RBM4B: variants seen among roughly 807,000 people sequenced by gnomAD.
RBM4B encodes RNA-binding protein 4B.
Under a neutral mutation model 28.5 loss-of-function variants are expected in RBM4B, and 13 were observed. The observed-to-expected ratio is 0.46, with a 90% CI of 0.30 to 0.72. The LOEUF (loss-of-function observed/expected upper bound fraction) is 0.72, where lower values mean the gene tolerates loss of function less well. Among genes scored for constraint, RBM4B ranks in the 30% least tolerant of loss-of-function variants. The probability of loss-of-function intolerance (pLI) is 0.09; values close to 1 mark genes in which losing one functional copy is unlikely to be tolerated. For synonymous variants in RBM4B, 167 were observed against 179.1 expected (o/e 0.93, Z 0.54); for missense variants, 387 against 477.6 (o/e 0.81, Z 1.77).
chr11:66,668,283 GATATACA>G, intron 3 of RBM4B: 4 of 223,350 alleles, frequency 1.8e-5, no homozygotes, highest in South Asian at 2.1e-4. Flanking sequence ...TCGTGTAGAT[GATATACA>G]GAGGGCACAT....
intron 3 of RBM4B, chr11:66,667,601 T>G (rs1248475459): frequency 6.6e-6 from 1 of 152,146 alleles, no homozygotes; most frequent in Admixed American, 6.5e-5. Context: ...GTAAATGTCT[T>G]GGAAGTAAAC....
intron 2 of RBM4B, chr11:66,671,029 T>C: frequency 1.4e-6 from 1 of 702,558 alleles, no homozygotes; most frequent in Non-Finnish European, 2.6e-6. Flanking sequence ...AACAGTGCCA[T>C]GCACTGACCC....
chr11:66,673,346 TA>T (rs1939530499), intron 2 of RBM4B, among the ~76,000 whole-genome samples: 2 of 151,934 alleles, frequency 1.3e-5, no homozygotes, highest in African/African-American at 4.8e-5. Context: ...CCTGAAAGAG[TA>T]AAGTAAACTC....
chr11:66,669,195 T>G lies in RBM4B; in HGVS notation c.509A>C (p.His170Pro). ...SGCYRCGKEG[H>P]WSKECPVDRT... ...ATCTACTGGGCACTCTTTGGACCAG[T>G]GCCCTTCTTTCCCACACCGATAGCA... Residue 170 changes from histidine to proline, a missense_variant, in exon 3 of 4, where the codon CAC becomes CCC. By Grantham distance (77) the His-to-Pro change is moderately conservative. Transcript: ENST00000310046. 1 of 1,614,180 alleles carries G rather than the reference T, an allele frequency of 6.2e-7. No homozygotes were observed. The highest frequency in any genetic ancestry group is 8.5e-7 in the Non-Finnish European group (1 of 1,180,030).
At chr11:66,666,096 AACACACCT>A (rs1474339739) in intron 3 of RBM4B, 12 of 872,016 alleles carry the variant, frequency 1.4e-5, no homozygotes, top group Non-Finnish European at 1.9e-5. Context: ...ACCCAATTCC[AACACACCT>A]ACATGTCACA....
At chr11:66,665,650 T>C in intron 3 of RBM4B, 72 bp from the exon 4 acceptor site, 1 of 1,534,878 alleles carries the variant, frequency 6.5e-7, no homozygotes, top group Non-Finnish European at 8.7e-7. Flanking sequence ...ACAAGCGCCC[T>C]GGGTCCTGTC....
At chr11:66,668,303 C>T (rs1208892734) in intron 3 of RBM4B, 2 of 266,464 alleles carry the variant, frequency 7.5e-6, no homozygotes, top group Non-Finnish European at 1.4e-5. Context: ...GGGCACATAA[C>T]AAATGTTAGA....
chr11:66,677,168 T>C lies in RBM4B; in HGVS notation c.-12-77A>G. On this transcript the variant is annotated intron_variant, in intron 1 of 3. Transcript: ENST00000310046. The stretch of plus-strand genomic sequence containing the variant: ...GGTGCACTGCAGCATTTTCGTCTAA[T>C]CCTCCAAAGTTCTTGCACCTTCAAG... 18 of 1,520,668 alleles carry C rather than the reference T, an allele frequency of 1.2e-5. No individual in the cohort carries two copies. In the South Asian group the frequency reaches 2.0e-4, roughly 17 times the overall value. The allele number at this position is 1,520,668 out of a possible 1,614,324, so 94.2% of individuals were successfully genotyped here.
intron 2 of RBM4B, among the ~76,000 whole-genome samples, chr11:66,673,213 A>G (rs188076646): frequency 6.6e-6 from 1 of 152,016 alleles, no homozygotes; most frequent in East Asian, 1.9e-4. Context: ...GAACTCTCAC[A>G]CATTCTTCCC....
rs1939222020 is a variant in RBM4B, at chr11:66,666,082, A to C, written c.*10-504T>G. 5 of 937,094 alleles carry C rather than the reference A, an allele frequency of 5.3e-6. No individual in the cohort carries two copies. The Admixed American group carries it at 8.4e-5, about 16-fold the overall frequency. The allele number at this position is 937,094 out of a possible 1,614,324, so 58.0% of individuals were successfully genotyped here. A position where few individuals can be genotyped will look rare whatever the true frequency, so the allele number is the denominator to read the frequency against. On this transcript the variant is annotated intron_variant, in intron 3 of 3. Transcript: ENST00000310046. Reference sequence around the variant, plus strand: ...GTAGGATATCAAGGAGCAGCCAGTCATTCACCCAATTCCAACACACCTACA... The same window carrying C: ...GTAGGATATCAAGGAGCAGCCAGTCCTTCACCCAATTCCAACACACCTACA...
intron 2 of RBM4B, chr11:66,675,517 C>T (rs921200198): frequency 4.6e-5 from 7 of 152,152 alleles, no homozygotes; most frequent in Non-Finnish European, 8.8e-5. Flanking sequence ...ACTTTCTTAC[C>T]CTTCTCTGGT....
In RBM4B at chr11:66,677,084, A is replaced by G; in HGVS notation, c.-5T>C. ...TCCGATGAACAGCTTCACCATCCTG[A>G]CAAGAGCCTGGGAGAGAAACACAAG... On this transcript the variant is annotated 5_prime_UTR_variant, in exon 2 of 4. Transcript: ENST00000310046. 1.2e-6 allele frequency: 2 copies of G among 1,612,120 alleles called. No homozygotes were observed. The highest frequency in any genetic ancestry group is 1.7e-6 in the Non-Finnish European group (2 of 1,178,322).
rs765996752 is a variant in RBM4B, at chr11:66,676,623, G to A, written c.412+45C>T. 4 of 1,600,704 alleles carry A rather than the reference G, an allele frequency of 2.5e-6. No individual in the cohort carries two copies. The South Asian group carries it at 4.5e-5, about 18-fold the overall frequency. On this transcript the variant is annotated intron_variant, in intron 2 of 3. Transcript: ENST00000310046. Reference sequence around the variant, plus strand: ...AGTCTTGTGTTCTTGCCTGTTTTGAGCTAGACCCCACTCGGCGCTACTACC... The same window carrying A: ...AGTCTTGTGTTCTTGCCTGTTTTGAACTAGACCCCACTCGGCGCTACTACC...
intron 2 of RBM4B, 28 bp downstream of exon 2, chr11:66,676,640 G>A: frequency 9.9e-6 from 16 of 1,609,398 alleles, no homozygotes; most frequent in Non-Finnish European, 1.4e-5. Context: ...CCCACTCGGC[G>A]CTACTACCCA....
intron 2 of RBM4B, among the ~76,000 whole-genome samples, chr11:66,673,775 T>C (rs573944251): frequency 1.7e-4 from 26 of 152,346 alleles, no homozygotes; most frequent in African/African-American, 6.3e-4. Context: ...GTGGCCCTTT[T>C]AAGAGGCCAC....
intron 1 of RBM4B, 122 bp downstream of exon 1, chr11:66,677,642 T>C (rs1939682664): frequency 6.4e-6 from 1 of 155,322 alleles, no homozygotes; most frequent in Non-Finnish European, 1.4e-5. Context: ...CCTCCTCCCG[T>C]TGTCTTCCCA....
chr11:66,677,447 G>A, intron 1 of RBM4B: 1 of 298,164 alleles, frequency 3.4e-6, no homozygotes. Context: ...GGTTTTGGAG[G>A]GAAATCTGTG....
chr11:66,675,401 T>C (rs907458325), intron 2 of RBM4B, among the ~76,000 whole-genome samples: 6 of 152,204 alleles, frequency 3.9e-5, no homozygotes, highest in Non-Finnish European at 7.3e-5. Flanking sequence ...GTAGGAAGTA[T>C]CTGCAACCTT....
intron 3 of RBM4B, 128 bp from the exon 4 acceptor site, chr11:66,665,706 A>G (rs1939203044): frequency 6.9e-7 from 1 of 1,446,982 alleles, no homozygotes; most frequent in Admixed American, 2.2e-5. Flanking sequence ...ACCAAGTCAG[A>G]CTGGATCTAA....
Sources: allele counts gnomAD v4.1 joint callset (sites outside exome capture counted in the v4.1 genomes callset), GRCh38; gene constraint gnomAD v4.1.1; transcripts MANE v1.5; gene names NCBI Gene and HGNC (gene_info 2026-07-23, HGNC 2026-07-21).